Variants in KLHL4 observed in about 807,000 individuals in gnomAD.
KLHL4 encodes the protein kelch-like protein 4.
Under a neutral mutation model 45.8 loss-of-function variants are expected in KLHL4, and 17 were observed. That is an observed-to-expected ratio of 0.37 (90% CI 0.25 to 0.56). The LOEUF is 0.56. Ranked by LOEUF, KLHL4 falls within the 20% of genes least tolerant of loss-of-function variation. The probability of loss-of-function intolerance (pLI) is 0.79; values close to 1 mark genes in which losing one functional copy is unlikely to be tolerated. For synonymous variants in KLHL4, 224 were observed against 189.9 expected (o/e 1.18, Z -1.47); for missense variants, 544 against 544.9 (o/e 1.00, Z 0.02).
chrX:87,617,374 G>T (rs1922592781), intron 3 of KLHL4, among the ~76,000 whole-genome samples: 1 of 109,124 alleles, frequency 9.2e-6, no homozygotes, highest in African/African-American at 3.3e-5. Flanking sequence ...AGGCATAAAA[G>T]TTCAGTGTTC....
At chrX:87,633,131 G>A (rs913136186) in intron 7 of KLHL4, among the ~76,000 whole-genome samples, 2 of 111,440 alleles carry the variant, frequency 1.8e-5, no homozygotes, top group Non-Finnish European at 3.8e-5. Flanking sequence ...CAAATAGGTA[G>A]GAGAGGTGAT....
intron 1 of KLHL4, among the ~76,000 whole-genome samples, chrX:87,612,449 T>A: frequency 8.9e-6 from 1 of 111,904 alleles, no homozygotes; most frequent in Admixed American, 9.6e-5. Context: ...GGCTATACCA[T>A]AAACCACATA....
At chrX:87,583,858 G>C (rs764298882) in intron 1 of KLHL4, among the ~76,000 whole-genome samples, 2 of 111,192 alleles carry the variant, frequency 1.8e-5, no homozygotes, top group Non-Finnish European at 3.8e-5. Flanking sequence ...AGGGGGCAGA[G>C]CACAAAGTGG....
At chrX:87,626,246 GGT>G (rs779689250) in intron 6 of KLHL4, among the ~76,000 whole-genome samples, 1 of 111,188 alleles carries the variant, frequency 9.0e-6, no homozygotes, top group Non-Finnish European at 1.9e-5. Flanking sequence ...GGTATACATT[GGT>G]TCTGTCCGGA....
intron 1 of KLHL4, among the ~76,000 whole-genome samples, chrX:87,543,166 C>A (rs1285880874): frequency 9.0e-6 from 1 of 111,154 alleles, no homozygotes; most frequent in African/African-American, 3.3e-5. Context: ...ATCTATGAGT[C>A]GATTAAACCT....
At position 87,632,191 on chromosome X, in the gene KLHL4, T is replaced by C. The variant is rs1435265250; in HGVS notation, c.1325-19T>C. 1 of 1,024,917 alleles carries C rather than the reference T, an allele frequency of 9.8e-7. No homozygotes were observed. Among genetic ancestry groups the C allele is most frequent in the Non-Finnish European group, 1.4e-6 (1 of 733,761 alleles). The allele number at this position is 1,024,917 out of a possible 1,213,427, so 84.5% of individuals were successfully genotyped here. On this transcript the variant is annotated intron_variant, in intron 6 of 10. Coordinates refer to ENST00000373119, the MANE Select transcript of KLHL4 (RefSeq NM_019117.5). ...TCAATAGAAGTAGATTTTACCGTTG[T>C]TCAATATCCCTTTGTCAGGTACTAC... is the stretch of plus-strand genomic sequence containing the variant.
chrX:87,622,231 A>G lies in KLHL4; in HGVS notation c.945A>G (p.Ile315Met). The G allele has an allele frequency of 1.7e-6, 2 of 1,206,592 alleles. No homozygotes were observed. The highest frequency in any genetic ancestry group is 1.8e-5 in the South Asian group (1 of 56,723). ...TCTAGGAACACTTCATTGAGGTAATAAAAAACCAAGAATTCCTCCTGCTTC... is the reference window on the plus strand; with the variant it reads ...TCTAGGAACACTTCATTGAGGTAATGAAAAACCAAGAATTCCTCCTGCTTC... ...KYTMEHFIEV[I>M]KNQEFLLLPA... The change falls in exon 5 of 11, where the codon ATA becomes ATG. Residue 315 changes from isoleucine to methionine, a missense_variant. Ile to Met is a conservative substitution (Grantham distance 10). Coordinates refer to ENST00000373119, the MANE Select transcript of KLHL4 (RefSeq NM_019117.5).
chrX:87,544,525 G>T (rs2157412), intron 1 of KLHL4, among the ~76,000 whole-genome samples: 27,541 of 110,254 alleles, frequency 0.25, 2,943 homozygotes, highest in East Asian at 0.51. Context: ...CTGGCTTCAG[G>T]TCTGACCCAG....
intron 9 of KLHL4, among the ~76,000 whole-genome samples, chrX:87,659,167 T>TGGA (rs1303528969): frequency 3.4e-5 from 3 of 88,384 alleles, no homozygotes; most frequent in African/African-American, 1.3e-4. Flanking sequence ...TCGCCCAGGC[T>TGGA]GGAGTGCAGT....
intron 1 of KLHL4, among the ~76,000 whole-genome samples, chrX:87,567,563 A>G (rs1346040056): frequency 8.9e-6 from 1 of 111,961 alleles, no homozygotes; most frequent in East Asian, 2.8e-4. Flanking sequence ...TCAAATATCC[A>G]TCAACTGATT....
At chrX:87,563,268 A>G (rs919557137) in intron 1 of KLHL4, among the ~76,000 whole-genome samples, 1 of 110,065 alleles carries the variant, frequency 9.1e-6, no homozygotes, top group African/African-American at 3.3e-5. Context: ...GGAACACAGG[A>G]CCTCATCAAA....
At chrX:87,604,230 T>C (rs1221844882) in intron 1 of KLHL4, among the ~76,000 whole-genome samples, 1 of 110,916 alleles carries the variant, frequency 9.0e-6, no homozygotes, top group African/African-American at 3.3e-5. Context: ...ATACTGATGT[T>C]ATTTTCTTTG....
At chrX:87,547,149 G>A (rs1198496991) in intron 1 of KLHL4, among the ~76,000 whole-genome samples, 1 of 111,498 alleles carries the variant, frequency 9.0e-6, no homozygotes, top group Non-Finnish European at 1.9e-5. Context: ...ATATGGTTTG[G>A]CTTTGTGTCC....
In KLHL4 at chrX:87,666,864, C is replaced by T. The variant is rs1924386606; in HGVS notation, c.*330C>T. 4 of 746,126 alleles carry T rather than the reference C, an allele frequency of 5.4e-6. No homozygotes were observed. Among genetic ancestry groups the T allele is most frequent in the Non-Finnish European group, 6.4e-6 (4 of 626,336 alleles). 61.5% of individuals were successfully genotyped at this position (746,126 alleles called of 1,213,427 possible). ...GGCCACAGTGTGCAGGTTATAAAAGCATTAATACATTTCAAGGTAAGAGCC... is the reference window on the plus strand; with the variant it reads ...GGCCACAGTGTGCAGGTTATAAAAGTATTAATACATTTCAAGGTAAGAGCC... On this transcript the variant is annotated 3_prime_UTR_variant, in exon 11 of 11. Transcript: ENST00000373119.
At chrX:87,533,906 A>G (rs956527786) in intron 1 of KLHL4, among the ~76,000 whole-genome samples, 6 of 110,744 alleles carry the variant, frequency 5.4e-5, no homozygotes, top group Non-Finnish European at 9.4e-5. Flanking sequence ...AAATCTGGGT[A>G]TAGTCCAAGA....
chrX:87,614,898 C>A (rs936269966), intron 3 of KLHL4, among the ~76,000 whole-genome samples: 25 of 111,037 alleles, frequency 2.3e-4, no homozygotes, highest in African/African-American at 8.2e-4. Flanking sequence ...TGGGCACATT[C>A]TTGTTTGTAA....
At chrX:87,661,904 T>A (rs1015788744) in intron 9 of KLHL4, among the ~76,000 whole-genome samples, 2 of 111,539 alleles carry the variant, frequency 1.8e-5, no homozygotes, top group Non-Finnish European at 3.8e-5. Context: ...ACTTTACATC[T>A]CTAAACATCA....
intron 1 of KLHL4, among the ~76,000 whole-genome samples, chrX:87,526,005 T>C (rs1047995939): frequency 6.3e-5 from 7 of 111,763 alleles, no homozygotes; most frequent in Non-Finnish European, 5.6e-5. Flanking sequence ...TCGGCACTTA[T>C]GTAACAGAAG....
chrX:87,599,635 A>T (rs1369493095), intron 1 of KLHL4, among the ~76,000 whole-genome samples: 4 of 109,030 alleles, frequency 3.7e-5, no homozygotes, highest in Non-Finnish European at 7.6e-5. Context: ...AGAAAAAAAT[A>T]GGTAGCAAAA....
Sources: gnomAD v4.1 joint callset for allele counts (sites outside exome capture counted in the v4.1 genomes callset) on GRCh38, gnomAD v4.1.1 for gene constraint, MANE v1.5 for transcripts, NCBI Gene and HGNC (gene_info 2026-07-23, HGNC 2026-07-21) for gene names.